SFI1: variants seen among roughly 807,000 people sequenced by gnomAD.
SFI1 encodes protein SFI1 homolog.
In SFI1, 195 loss-of-function variants were observed where a neutral mutation model predicts 207.5. The observed-to-expected ratio is 0.94, with a 90% CI of 0.84 to 1.06. The LOEUF (loss-of-function observed/expected upper bound fraction) is 1.06, where lower values mean the gene tolerates loss of function less well. Among genes scored for constraint, SFI1 ranks in the 50% least tolerant of loss-of-function variants. SFI1 has a pLI of 0.00. For missense variants in SFI1, 1,634 were observed against 1,588.0 expected (o/e 1.03, Z -0.49); for synonymous variants, 630 against 598.9 (o/e 1.05, Z -0.76).
intron 2 of SFI1, among the ~76,000 whole-genome samples, chr22:31,517,177 T>A (rs1003888588): frequency 6.6e-6 from 1 of 152,066 alleles, no homozygotes; most frequent in African/African-American, 2.4e-5. Context: ...AATTTGTGTC[T>A]TTTCCTTTAT....
chr22:31,561,694 G>A (rs146046651), intron 8 of SFI1, among the ~76,000 whole-genome samples: 1,782 of 152,284 alleles, frequency 0.012, 9 homozygotes, highest in Middle Eastern at 0.024. Context: ...TGATTTCCTC[G>A]TTGCTGTTTT....
intron 4 of SFI1, among the ~76,000 whole-genome samples, chr22:31,539,643 G>T (rs780740746): frequency 6.6e-6 from 1 of 151,836 alleles, no homozygotes; most frequent in East Asian, 1.9e-4. Context: ...TGTCATGTTG[G>T]AGCCTTTCCT....
At chr22:31,523,841 C>T (rs1246149684) in intron 2 of SFI1, among the ~76,000 whole-genome samples, 1 of 151,942 alleles carries the variant, frequency 6.6e-6, no homozygotes, top group Admixed American at 6.6e-5. Flanking sequence ...TATATTTCTA[C>T]TATTCTACTC....
intron 2 of SFI1, among the ~76,000 whole-genome samples, chr22:31,513,579 T>TTTGTTTTGTC (rs2055969587): frequency 6.7e-6 from 1 of 150,296 alleles, no homozygotes; most frequent in Non-Finnish European, 1.5e-5. Context: ...TTTGTTTTGT[T>TTTGTTTTGTC]TTGTTTTGTT....
At chr22:31,600,414 C>T (rs913576230) in intron 15 of SFI1, among the ~76,000 whole-genome samples, 4 of 152,146 alleles carry the variant, frequency 2.6e-5, no homozygotes, top group Admixed American at 6.5e-5. Flanking sequence ...GCTTTTGTGT[C>T]TGGTCTCTGC....
chr22:31,562,370 CAAT>C (rs982500913), intron 8 of SFI1, among the ~76,000 whole-genome samples: 11 of 147,412 alleles, frequency 7.5e-5, no homozygotes, highest in Non-Finnish European at 1.0e-4. Flanking sequence ...CAGTTCTCGC[CAAT>C]AATAATAACA....
intron 20 of SFI1, 163 bp downstream of exon 20, chr22:31,605,108 C>T: frequency 1.7e-6 from 1 of 603,032 alleles, no homozygotes; most frequent in Non-Finnish European, 2.8e-6. Flanking sequence ...CACGGGTTCG[C>T]CTTCATGTCT....
At chr22:31,525,531 C>T (rs1815900205) in intron 2 of SFI1, among the ~76,000 whole-genome samples, 1 of 152,078 alleles carries the variant, frequency 6.6e-6, no homozygotes, top group Non-Finnish European at 1.5e-5. Context: ...AGTTCAAGAC[C>T]ATCCTGCGCA....
chr22:31,580,496 T>A (rs2063995249), intron 12 of SFI1, 132 bp downstream of exon 12: 2 of 628,964 alleles, frequency 3.2e-6, no homozygotes, highest in Admixed American at 3.2e-5. Flanking sequence ...GTCCAGACTG[T>A]CAACTGTAAA....
Position 31,550,292 on chromosome 22 carries a change from C to T in SFI1, c.488C>T (p.Thr163Ile), listed in dbSNP as rs368008162. 6.2e-7 allele frequency: 1 copy of T among 1,614,016 alleles called. No homozygotes were observed. The highest frequency in any genetic ancestry group is 1.7e-5 in the Admixed American group (1 of 59,986). ...LYNLMFQTWK[T>I]YVRQQQEMRN... ...AACCTGATGTTCCAGACGTGGAAGA[C>T]CTATGTGCGTCAGCAGCAGGAGATG... The change falls in exon 6 of 33, where the codon ACC (threonine) becomes ATC (isoleucine). Residue 163 changes from threonine to isoleucine, a missense_variant. By Grantham distance (89) the Thr-to-Ile change is moderately conservative (BLOSUM62 -1). Coordinates refer to ENST00000400288, the MANE Select transcript of SFI1 (RefSeq NM_001007467.3).
At chr22:31,600,765 G>A (rs532383835) in intron 15 of SFI1, among the ~76,000 whole-genome samples, 7 of 151,858 alleles carry the variant, frequency 4.6e-5, no homozygotes, top group South Asian at 2.1e-4. Flanking sequence ...CACCTCGCCC[G>A]TGTCCTATCT....
chr22:31,517,155 T>G (rs946463701), intron 2 of SFI1, among the ~76,000 whole-genome samples: 6 of 151,908 alleles, frequency 3.9e-5, no homozygotes, highest in African/African-American at 9.7e-5. Context: ...AAAAAAAAAT[T>G]TAACTTAGTA....
At chr22:31,499,281 G>A (rs889407674) in intron 1 of SFI1, among the ~76,000 whole-genome samples, 3 of 151,928 alleles carry the variant, frequency 2.0e-5, no homozygotes, top group Admixed American at 6.6e-5. Context: ...CACAACCTCC[G>A]CCTCCCGGGT....
chr22:31,578,363 G>A lies in SFI1; in HGVS notation c.1085-19G>A. Reference sequence around the variant, plus strand: ...GGGTCAGAACCTTGTTGGGACTGGAGGCCTTCACTTCCTGGCAGACATGCT... The same window carrying A: ...GGGTCAGAACCTTGTTGGGACTGGAAGCCTTCACTTCCTGGCAGACATGCT... On this transcript the variant is annotated intron_variant, in intron 10 of 32. Transcript: ENST00000400288. The A allele has an allele frequency of 6.2e-7, 1 of 1,610,698 alleles. No homozygotes were observed. The highest frequency in any genetic ancestry group is 8.5e-7 in the Non-Finnish European group (1 of 1,177,848).
In SFI1 at chr22:31,571,554, A is replaced by G. The variant is rs1225055331; in HGVS notation, c.766-1504A>G. Among the ~76,000 whole-genome samples, 13 of 151,912 alleles carry G rather than the reference A, an allele frequency of 8.6e-5. No individual in the cohort carries two copies. The East Asian group carries it at 1.9e-3, about 23-fold the overall frequency. ...GGGCTCAAACTCCTGAGGTCAAGCA[A>G]TCCTCCTGCCTTGGGCTCCCAAAGT... On this transcript the variant is annotated intron_variant, in intron 8 of 32. Transcript: ENST00000400288.
At chr22:31,530,901 G>T in intron 3 of SFI1, 157 bp from the exon 4 acceptor site, 2 of 615,598 alleles carry the variant, frequency 3.2e-6, no homozygotes, top group Non-Finnish European at 5.8e-6. Context: ...CCCATCCTAT[G>T]CCCTGTATGA....
chr22:31,618,555 T>C lies in SFI1; in HGVS notation c.*137T>C, dbSNP rs1444754918. Reference sequence around the variant, plus strand: ...TTAAATGAATTACTGTTCAGAAGTCTCCCACTTTTCATACAAAAATACTGT... The same window carrying C: ...TTAAATGAATTACTGTTCAGAAGTCCCCCACTTTTCATACAAAAATACTGT... On this transcript the variant is annotated 3_prime_UTR_variant, in exon 33 of 33. Transcript: ENST00000400288. 4.6e-5 allele frequency: 40 copies of C among 871,690 alleles called. No individual in the cohort carries two copies. Among genetic ancestry groups the C allele is most frequent in the Non-Finnish European group, 6.5e-5 (40 of 618,454 alleles). The allele number at this position is 871,690 out of a possible 1,614,324, so 54.0% of individuals were successfully genotyped here. A position where few individuals can be genotyped will look rare whatever the true frequency, so the allele number is the denominator to read the frequency against.
chr22:31,549,919 G>GTTGTT (rs2060470663), intron 5 of SFI1, among the ~76,000 whole-genome samples: 2 of 150,882 alleles, frequency 1.3e-5, no homozygotes, highest in South Asian at 4.2e-4. Context: ...TTGTTTTGTT[G>GTTGTT]TTGTTGTTTG....
At chr22:31,533,416 G>A (rs996310054) in intron 4 of SFI1, among the ~76,000 whole-genome samples, 11 of 152,112 alleles carry the variant, frequency 7.2e-5, no homozygotes, top group East Asian at 1.9e-4. Context: ...TGTAATTCCA[G>A]CTACTAGGGA....
Sources: gnomAD v4.1 joint callset for allele counts (sites outside exome capture counted in the v4.1 genomes callset) on GRCh38, gnomAD v4.1.1 for gene constraint, MANE v1.5 for transcripts, NCBI Gene and HGNC (gene_info 2026-07-23, HGNC 2026-07-21) for gene names.